The following CTNNA2 variants were observed in gnomAD, a reference collection of about 807,000 sequenced individuals.
CTNNA2 encodes catenin alpha-2.
In CTNNA2, 42 loss-of-function variants were observed where a neutral mutation model predicts 101.0. The ratio of observed to expected loss-of-function variants is 0.42; its 90% CI spans 0.32 to 0.54. The LOEUF (loss-of-function observed/expected upper bound fraction) is 0.54, where lower values mean the gene tolerates loss of function less well. CTNNA2 is among the 20% of genes least tolerant of loss of function. The pLI is 0.14. For missense variants in CTNNA2, 871 were observed against 1,223.1 expected, an observed-to-expected ratio of 0.71 and a Z score of 4.29; for synonymous variants, 450 against 456.4, an observed-to-expected ratio of 0.99 and a Z score of 0.18.
intron 9 of CTNNA2, among the ~76,000 whole-genome samples, chr2:80,516,603 CAT>C (rs1188533938): frequency 6.6e-6 from 1 of 152,184 alleles, no homozygotes. Context: ...TTCTCAGGAA[CAT>C]GTGAACTTTT....
chr2:80,362,240 C>A (rs543609475), intron 7 of CTNNA2, among the ~76,000 whole-genome samples: 1 of 152,210 alleles, frequency 6.6e-6, no homozygotes, highest in East Asian at 1.9e-4. Context: ...GAGAAAGACA[C>A]TCCTCCATTA....
chr2:79,631,063 AT>A lies in CTNNA2; in HGVS notation c.-5-20478del, dbSNP rs564772867. ...TCCTGTTTTATGTGCCCCCTGGCAG[AT>A]TTTTTTTTTTCTGTTGCATTTATTT... On this transcript the variant is annotated intron_variant, in intron 1 of 18. Transcript: ENST00000402739. 3.5e-4 allele frequency among the ~76,000 whole-genome samples: 52 copies of A among 147,458 alleles called. 1 individual carries two copies. The highest frequency in any genetic ancestry group is 6.4e-4 in the South Asian group (3 of 4,692).
At chr2:79,751,947 A>G (rs952972223) in intron 3 of CTNNA2, among the ~76,000 whole-genome samples, 51 of 152,202 alleles carry the variant, frequency 3.4e-4, no homozygotes, top group Non-Finnish European at 3.7e-4. Flanking sequence ...GCATTACAAA[A>G]AAAGAATAAA....
intron 7 of CTNNA2, among the ~76,000 whole-genome samples, chr2:79,963,352 G>T (rs1004274309): frequency 1.3e-5 from 2 of 152,176 alleles, no homozygotes; most frequent in Non-Finnish European, 2.9e-5. Context: ...GGAAGGCTAA[G>T]TCAAGCGCCA....
At chr2:79,543,290 G>A (rs551634544) in intron 1 of CTNNA2, among the ~76,000 whole-genome samples, 4 of 152,232 alleles carry the variant, frequency 2.6e-5, no homozygotes, top group Admixed American at 6.5e-5. Flanking sequence ...CAAAGCAATC[G>A]TTATGAGCTG....
chr2:80,648,486 C>A lies in CTNNA2; in HGVS notation c.*614C>A, dbSNP rs11445. The stretch of plus-strand genomic sequence containing the variant: ...TTCTAGTTGTGCCATTACTAGTGAT[C>A]ATGTTTTTTTCCCCCCTTTAATGAA... On this transcript the variant is annotated 3_prime_UTR_variant, in exon 19 of 19. Coordinates refer to ENST00000402739, the MANE Select transcript of CTNNA2 (RefSeq NM_001282597.3). The A allele has an allele frequency of 0.29, 44,243 of 152,420 alleles. 7,449 individuals carry two copies. Among genetic ancestry groups the A allele is most frequent in the East Asian group, 0.44 (2,264 of 5,158 alleles). 9.4% of individuals were successfully genotyped at this position (152,420 alleles called of 1,614,324 possible). A position where few individuals can be genotyped will look rare whatever the true frequency, so the allele number is the denominator to read the frequency against.
rs144716376 is a variant in CTNNA2 at position 79,843,975 on chromosome 2, A to G, written c.299-14038A>G. 7.4e-4 allele frequency among the ~76,000 whole-genome samples: 112 copies of G among 152,358 alleles called. 1 individual carries two copies. In the South Asian group the frequency reaches 7.5e-3, roughly 10 times the overall value. ...CAGCAGGCTAGGTTATTCTCTCTAT[A>G]GGCAGACCTATGTGGGAAGTTAAAT... On this transcript the variant is annotated intron_variant, in intron 3 of 18. Transcript: ENST00000402739.
chr2:80,492,320 C>A (rs920378070), intron 9 of CTNNA2, among the ~76,000 whole-genome samples: 1 of 152,124 alleles, frequency 6.6e-6, no homozygotes, highest in Non-Finnish European at 1.5e-5. Flanking sequence ...AGCCATGCTT[C>A]CTGTACAACC....
rs116184936 is a variant in CTNNA2, at chr2:79,208,476, T to G, written c.-406+10400T>G. ...ATGGGGGATATCCGGTTTGAAACAC[T>G]AGAGAGGAAAAAGAATATAAGAGAT... On this transcript the variant is annotated intron_variant, in intron 2 of 21. Transcript: ENST00000466387. Among the ~76,000 whole-genome samples, 904 of 152,238 alleles carry G rather than the reference T, an allele frequency of 5.9e-3. 6 individuals are homozygous for G. Among genetic ancestry groups the G allele is most frequent in the African/African-American group, 0.021 (854 of 41,548 alleles).
At chr2:79,939,130 A>C (rs956470047) in intron 7 of CTNNA2, among the ~76,000 whole-genome samples, 1 of 152,188 alleles carries the variant, frequency 6.6e-6, no homozygotes, top group East Asian at 1.9e-4. Flanking sequence ...TACCAGCCTG[A>C]TAGGACTCTC....
chr2:79,523,525 G>A (rs948165238), intron 1 of CTNNA2, among the ~76,000 whole-genome samples: 1 of 151,774 alleles, frequency 6.6e-6, no homozygotes, highest in Admixed American at 6.6e-5. Flanking sequence ...CAGTTTGTTT[G>A]TGCTATTATG....
intron 4 of CTNNA2, among the ~76,000 whole-genome samples, chr2:79,504,262 GT>G (rs1671364140): frequency 6.6e-6 from 1 of 151,932 alleles, no homozygotes; most frequent in African/African-American, 2.4e-5. Flanking sequence ...AGTAAAGATA[GT>G]GGTTAAATTT....
intron 1 of CTNNA2, among the ~76,000 whole-genome samples, chr2:79,534,827 G>C (rs1022574657): frequency 4.0e-5 from 6 of 151,104 alleles, no homozygotes; most frequent in Non-Finnish European, 7.4e-5. Flanking sequence ...AATATGTCAA[G>C]TTCTGGATAA....
chr2:79,568,551 T>C (rs915466043), intron 1 of CTNNA2, among the ~76,000 whole-genome samples: 4 of 151,738 alleles, frequency 2.6e-5, no homozygotes, highest in Non-Finnish European at 5.9e-5. Context: ...TGAGCCAAGA[T>C]TGCGCCACTG....
intron 7 of CTNNA2, among the ~76,000 whole-genome samples, chr2:80,378,413 A>G (rs866118391): frequency 6.6e-6 from 1 of 150,850 alleles, no homozygotes; most frequent in African/African-American, 2.4e-5. Context: ...TAAATAACAG[A>G]GAAGACATAA....
chr2:79,586,485 C>G (rs1276970612), intron 1 of CTNNA2, among the ~76,000 whole-genome samples: 1 of 151,368 alleles, frequency 6.6e-6, no homozygotes, highest in Non-Finnish European at 1.5e-5. Context: ...TTCTACAAAG[C>G]CTTCTTCTTT....
chr2:79,234,384 G>A (rs1403985917), intron 2 of CTNNA2, among the ~76,000 whole-genome samples: 1 of 152,124 alleles, frequency 6.6e-6, no homozygotes, highest in Non-Finnish European at 1.5e-5. Context: ...CTGGCTTGTA[G>A]GGTTTCTGCT....
intron 9 of CTNNA2, among the ~76,000 whole-genome samples, chr2:80,449,691 G>C (rs539487621): frequency 6.6e-6 from 1 of 152,224 alleles, no homozygotes; most frequent in African/African-American, 2.4e-5. Flanking sequence ...TGATCAATAA[G>C]GATGTGAGTT....
At chr2:79,358,110 G>C (rs1677548655) in intron 3 of CTNNA2, among the ~76,000 whole-genome samples, 1 of 151,904 alleles carries the variant, frequency 6.6e-6, no homozygotes, top group Non-Finnish European at 1.5e-5. Context: ...AGATAAAAGA[G>C]ATTTTTCTTC....
Sources: allele counts gnomAD v4.1 joint callset (sites outside exome capture counted in the v4.1 genomes callset), GRCh38; gene constraint gnomAD v4.1.1; transcripts MANE v1.5; gene names NCBI Gene and HGNC (gene_info 2026-07-23, HGNC 2026-07-21).